GABRB3: variants seen among roughly 807,000 people sequenced by gnomAD.
The protein encoded by GABRB3 is gamma-aminobutyric acid receptor subunit beta-3.
Under a neutral mutation model 52.1 loss-of-function variants are expected in GABRB3, and 14 were observed. That is an observed-to-expected ratio of 0.27 (90% CI 0.18 to 0.42). The LOEUF is 0.42. GABRB3 is among the 10% of genes least tolerant of loss of function. The pLI is 1.00. For missense variants in GABRB3, 307 were observed against 609.1 expected, an observed-to-expected ratio of 0.50 and a Z score of 5.22; for synonymous variants, 260 against 232.3, an observed-to-expected ratio of 1.12 and a Z score of -1.08.
At position 26,772,865 on chromosome 15, in the gene GABRB3, G is replaced by A. The variant is rs1231249675; in HGVS notation, c.80+18C>T. On this transcript the variant is annotated intron_variant, in intron 1 of 8. Coordinates refer to ENST00000311550, the MANE Select transcript of GABRB3 (RefSeq NM_000814.6). ...CCCGCGCCCTGCCCGCCGCCCGCCG[G>A]CCCACCCGCGACCCTACCTCTGGGC... 2.8e-6 allele frequency: 4 copies of A among 1,452,692 alleles called. No homozygotes were observed. The highest frequency in any genetic ancestry group is 1.4e-5 in the South Asian group (1 of 73,558). 90.0% of individuals were successfully genotyped at this position (1,452,692 alleles called of 1,614,324 possible).
At chr15:26,773,574 C>G (rs1891221896), upstream of GABRB3, 7 of 1,319,132 alleles carry the variant, frequency 5.3e-6, no homozygotes, top group Admixed American at 1.2e-4. Context: ...GGTGCCGCGC[C>G]TCTGCCCGCC....
intron 7 of GABRB3, among the ~76,000 whole-genome samples, chr15:26,564,806 G>A (rs1375158390): frequency 6.6e-6 from 1 of 152,120 alleles, no homozygotes; most frequent in African/African-American, 2.4e-5. Context: ...CATAATGTTT[G>A]GTTAGCTTTT....
At chr15:26,724,335 C>CT (rs1889717253) in intron 3 of GABRB3, among the ~76,000 whole-genome samples, 1 of 152,114 alleles carries the variant, frequency 6.6e-6, no homozygotes, top group African/African-American at 2.4e-5. Flanking sequence ...CAAGAATTCC[C>CT]TAGGGAAATT....
chr15:26,773,638 G>T, upstream of GABRB3: 2 of 1,557,236 alleles, frequency 1.3e-6, no homozygotes, highest in Non-Finnish European at 1.7e-6. Flanking sequence ...GGAAGCCCCC[G>T]CCTCACCTGC....
intron 4 of GABRB3, among the ~76,000 whole-genome samples, chr15:26,597,537 T>C (rs1891437929): frequency 6.6e-6 from 1 of 152,184 alleles, no homozygotes; most frequent in African/African-American, 2.4e-5. Flanking sequence ...ACACATGAGC[T>C]ACATGGATGA....
intron 8 of GABRB3, 106 bp downstream of exon 8, chr15:26,560,826 G>A (rs1889952617): frequency 1.3e-6 from 2 of 1,502,268 alleles, no homozygotes; most frequent in Non-Finnish European, 1.8e-6. Flanking sequence ...AGGGTGTGTG[G>A]CTTGACATAC....
At chr15:26,731,645 A>T (rs962829862) in intron 3 of GABRB3, among the ~76,000 whole-genome samples, 4 of 152,206 alleles carry the variant, frequency 2.6e-5, no homozygotes, top group African/African-American at 9.6e-5. Context: ...TGCCATATTC[A>T]TATTCTCACA....
chr15:26,583,462 G>GT (rs1890860815), intron 4 of GABRB3, 48 bp from the exon 5 acceptor site: 1 of 1,467,534 alleles, frequency 6.8e-7, no homozygotes. Context: ...GCTGAGAAAT[G>GT]TATCAGGGAG....
chr15:26,740,923 G>A (rs117752860), intron 3 of GABRB3, among the ~76,000 whole-genome samples: 2,974 of 152,202 alleles, frequency 0.02, 42 homozygotes, highest in Middle Eastern at 0.075. Flanking sequence ...GTACTTGGAG[G>A]GGGAGATGGC....
At chr15:26,688,144 A>G (rs1888464803) in intron 3 of GABRB3, among the ~76,000 whole-genome samples, 1 of 152,222 alleles carries the variant, frequency 6.6e-6, no homozygotes, top group Non-Finnish European at 1.5e-5. Context: ...AAGATGGCAT[A>G]GTTTGGAGTC....
Position 26,621,552 on chromosome 15 carries a change from G to C in GABRB3, c.241-18C>G. Reference sequence around the variant, plus strand: ...GTATAATCCTGGGGGGAAAAGAAAAGAAAGAAAGTTAGTTTGTACCCAGCC... The same window carrying C: ...GTATAATCCTGGGGGGAAAAGAAAACAAAGAAAGTTAGTTTGTACCCAGCC... On this transcript the variant is annotated intron_variant, in intron 3 of 8. Transcript: ENST00000311550. The surrounding 1 kb of genome is among the most constrained non-coding windows in gnomAD (Gnocchi z 4.1). The C allele has an allele frequency of 6.3e-6, 10 of 1,597,660 alleles. No individual in the cohort carries two copies. The highest frequency in any genetic ancestry group is 8.6e-6 in the Non-Finnish European group (10 of 1,165,976).
chr15:26,634,581 G>A (rs1595500008), intron 3 of GABRB3, among the ~76,000 whole-genome samples: 2 of 152,182 alleles, frequency 1.3e-5, no homozygotes, highest in Admixed American at 1.3e-4. Context: ...CCAGAAGCAT[G>A]CTTACCCATG....
At chr15:26,683,350 GTTT>G (rs1888297430) in intron 3 of GABRB3, among the ~76,000 whole-genome samples, 1 of 143,902 alleles carries the variant, frequency 6.9e-6, no homozygotes, top group African/African-American at 3.0e-5. Flanking sequence ...CCCACCTGGA[GTTT>G]CAGAGCTCCC....
chr15:26,649,079 T>A (rs1475829584), intron 3 of GABRB3, among the ~76,000 whole-genome samples: 2 of 152,160 alleles, frequency 1.3e-5, no homozygotes, highest in African/African-American at 4.8e-5. Context: ...CGCTGTTTTC[T>A]TGGTGGATCC....
chr15:26,585,942 G>A (rs1232175261), intron 4 of GABRB3, among the ~76,000 whole-genome samples: 4 of 152,130 alleles, frequency 2.6e-5, no homozygotes, highest in African/African-American at 9.7e-5. Flanking sequence ...GAATCTTTAT[G>A]AAGAAGAAAA....
At chr15:26,627,985 A>C (rs1383874582) in intron 3 of GABRB3, among the ~76,000 whole-genome samples, 1 of 152,106 alleles carries the variant, frequency 6.6e-6, no homozygotes, top group Non-Finnish European at 1.5e-5. Context: ...GCTTTCAGCA[A>C]CCACCACCCT....
intron 3 of GABRB3, among the ~76,000 whole-genome samples, chr15:26,622,140 G>C (rs1430506604): frequency 6.6e-6 from 1 of 152,038 alleles, no homozygotes; most frequent in Non-Finnish European, 1.5e-5. Flanking sequence ...AAATCACCCG[G>C]AGATGATGAC....
At chr15:26,602,105 A>T (rs1221291875) in intron 4 of GABRB3, among the ~76,000 whole-genome samples, 1 of 152,196 alleles carries the variant, frequency 6.6e-6, no homozygotes, top group Non-Finnish European at 1.5e-5. Flanking sequence ...GAGCAAGAGT[A>T]CCTGTACATA....
chr15:26,736,104 T>C (rs1890059512), intron 3 of GABRB3, among the ~76,000 whole-genome samples: 2 of 152,146 alleles, frequency 1.3e-5, no homozygotes, highest in African/African-American at 2.4e-5. Context: ...TACTATTTAA[T>C]GTACACAGTT....
Sources: allele counts gnomAD v4.1 joint callset (sites outside exome capture counted in the v4.1 genomes callset), GRCh38; gene constraint gnomAD v4.1.1; non-coding constraint Gnocchi (gnomAD v3.1); transcripts MANE v1.5; gene names NCBI Gene and HGNC (gene_info 2026-07-23, HGNC 2026-07-21).